UTRN: variants seen among roughly 807,000 people sequenced by gnomAD.
The protein encoded by UTRN is utrophin, also known as dystrophin-related protein 1.
Under a neutral mutation model 463.9 loss-of-function variants are expected in UTRN, and 283 were observed. The ratio of observed to expected loss-of-function variants is 0.61; its 90% CI spans 0.55 to 0.67. The LOEUF (loss-of-function observed/expected upper bound fraction) is 0.67. UTRN is among the 30% of genes least tolerant of loss of function. The probability of loss-of-function intolerance (pLI) is 0.00; values close to 1 mark genes in which losing one functional copy is unlikely to be tolerated. For synonymous variants in UTRN, 1,442 were observed against 1,431.5 expected (o/e 1.01, Z -0.17); for missense variants, 3,922 against 4,084.3 (o/e 0.96, Z 1.08).
At chr6:144,824,333 G>A (rs942631188) in intron 66 of UTRN, among the ~76,000 whole-genome samples, 1 of 151,044 alleles carries the variant, frequency 6.6e-6, no homozygotes, top group Non-Finnish European at 1.5e-5. Flanking sequence ...GAACAAGGAA[G>A]AGTCTAATGA....
chr6:144,523,975 G>A (rs1796346830), intron 41 of UTRN, among the ~76,000 whole-genome samples: 1 of 152,200 alleles, frequency 6.6e-6, no homozygotes, highest in South Asian at 2.1e-4. Context: ...ATTTTTGCCA[G>A]TAGCTGTGGA....
intron 2 of UTRN, among the ~76,000 whole-genome samples, chr6:144,365,872 G>C (rs1779463213): frequency 1.3e-5 from 2 of 152,118 alleles, no homozygotes; most frequent in African/African-American, 4.8e-5. Flanking sequence ...TGCATAGCTG[G>C]GACTGCAGGC....
intron 58 of UTRN, among the ~76,000 whole-genome samples, chr6:144,766,354 A>T (rs1435681943): frequency 6.6e-6 from 1 of 152,206 alleles, no homozygotes; most frequent in African/African-American, 2.4e-5. Context: ...TACTTTAGGC[A>T]GTTGAATGCA....
rs569958690 is a variant in UTRN at position 144,516,784 on chromosome 6, AT to A, written c.5404-17del. 2,336 of 1,292,598 alleles carry A rather than the reference AT, an allele frequency of 1.8e-3. 1 individual carries two copies. Among genetic ancestry groups the A allele is most frequent in the South Asian group, 6.7e-3 (329 of 49,256 alleles). The allele number at this position is 1,292,598 out of a possible 1,614,324, so 80.1% of individuals were successfully genotyped here. A position where few individuals can be genotyped will look rare whatever the true frequency, so the allele number is the denominator to read the frequency against. On this transcript the variant is annotated intron_variant, in intron 38 of 74. Transcript: ENST00000367545. ...ACCTTATGCATTTTTCTTTTGAGTC[AT>A]TTTTTTTTTCCTTTTAAAAATTTAG...
chr6:144,760,011 A>T (rs1205070465), intron 58 of UTRN, among the ~76,000 whole-genome samples: 1 of 152,022 alleles, frequency 6.6e-6, no homozygotes, highest in Non-Finnish European at 1.5e-5. Flanking sequence ...TTTACTAAAT[A>T]AAAAAAATTA....
At chr6:144,344,453 C>T (rs745567674) in intron 2 of UTRN, 13 of 921,688 alleles carry the variant, frequency 1.4e-5, no homozygotes, top group Non-Finnish European at 1.8e-5. Context: ...TTCCTGCTGC[C>T]ACGTCTGTTG....
intron 2 of UTRN, among the ~76,000 whole-genome samples, chr6:144,292,621 T>G (rs1043261077): frequency 6.6e-6 from 1 of 152,226 alleles, no homozygotes; most frequent in African/African-American, 2.4e-5. Flanking sequence ...TTAAAAAGCT[T>G]CAAATATGAT....
chr6:144,765,388 A>G (rs903168496), intron 58 of UTRN, among the ~76,000 whole-genome samples: 3 of 152,094 alleles, frequency 2.0e-5, no homozygotes, highest in Non-Finnish European at 4.4e-5. Context: ...GTATCTTTAA[A>G]TCTACTCTTG....
intron 2 of UTRN, among the ~76,000 whole-genome samples, chr6:144,346,440 C>T (rs6922109): frequency 0.16 from 23,816 of 152,172 alleles, 5,640 homozygotes; most frequent in African/African-American, 0.51. Flanking sequence ...TCATCAGTTG[C>T]TATTGAACTG....
At position 144,436,152 on chromosome 6, in the gene UTRN, G is replaced by T. The variant is rs757382953; in HGVS notation, c.1059+14G>T. On this transcript the variant is annotated intron_variant, in intron 10 of 74. Transcript: ENST00000367545. ...GCAACCCATGAAGTAAATATCTGTA[G>T]TTTCTTAGCAGGGTGTGTCCCCCAC... is the stretch of plus-strand genomic sequence containing the variant. The T allele has an allele frequency of 2.5e-6, 4 of 1,608,706 alleles. No individual in the cohort carries two copies. The highest frequency in any genetic ancestry group is 3.4e-6 in the Non-Finnish European group (4 of 1,178,080).
chr6:144,400,704 G>A (rs1312662930), intron 2 of UTRN, among the ~76,000 whole-genome samples: 2 of 152,172 alleles, frequency 1.3e-5, no homozygotes, highest in African/African-American at 4.8e-5. Flanking sequence ...TGTATCAAGA[G>A]AATGAATGCG....
chr6:144,544,042 TCTTA>T (rs1798200502), intron 46 of UTRN, among the ~76,000 whole-genome samples: 1 of 152,208 alleles, frequency 6.6e-6, no homozygotes, highest in African/African-American at 2.4e-5. Context: ...TCATGGGTTA[TCTTA>T]CTTTTTAAAA....
At chr6:144,414,714 C>T (rs1434586450) in intron 3 of UTRN, among the ~76,000 whole-genome samples, 1 of 142,286 alleles carries the variant, frequency 7.0e-6, no homozygotes, top group South Asian at 2.2e-4. Context: ...TGTACTATAT[C>T]TTTTTTTTTT....
chr6:144,638,270 G>T (rs936190537), intron 51 of UTRN, among the ~76,000 whole-genome samples: 1 of 152,116 alleles, frequency 6.6e-6, no homozygotes, highest in South Asian at 2.1e-4. Context: ...CATTATACTC[G>T]GAAGATAAGC....
At chr6:144,794,072 CG>C in intron 63 of UTRN, 81 bp downstream of exon 63, 1 of 1,527,776 alleles carries the variant, frequency 6.5e-7, no homozygotes, top group South Asian at 1.3e-5. Flanking sequence ...ATAGGGAACT[CG>C]GGCTGGAGCC....
At chr6:144,597,254 T>G (rs930210692) in intron 51 of UTRN, among the ~76,000 whole-genome samples, 4 of 130,328 alleles carry the variant, frequency 3.1e-5, no homozygotes, top group South Asian at 5.4e-4. Context: ...AAAAAAAAAG[T>G]GCCTTAACTT....
chr6:144,300,225 G>T (rs945614032), intron 2 of UTRN, among the ~76,000 whole-genome samples: 4 of 152,068 alleles, frequency 2.6e-5, no homozygotes, highest in African/African-American at 9.7e-5. Flanking sequence ...GAGTAGCTGG[G>T]ACTACAGGTG....
At chr6:144,543,146 A>G (rs1798120922) in intron 46 of UTRN, among the ~76,000 whole-genome samples, 1 of 152,180 alleles carries the variant, frequency 6.6e-6, no homozygotes, top group South Asian at 2.1e-4. Flanking sequence ...CGAAGGGAAG[A>G]TGAGAGGCTA....
intron 26 of UTRN, among the ~76,000 whole-genome samples, chr6:144,481,567 G>T (rs184171125): frequency 7.9e-4 from 121 of 152,304 alleles, no homozygotes; most frequent in African/African-American, 2.8e-3. Flanking sequence ...AGTGTAATCT[G>T]CTCAGCCCTC....
Sources: gnomAD v4.1 joint callset for allele counts (sites outside exome capture counted in the v4.1 genomes callset) on GRCh38, gnomAD v4.1.1 for gene constraint, MANE v1.5 for transcripts, NCBI Gene and HGNC (gene_info 2026-07-23, HGNC 2026-07-21) for gene names.